Variants in LRRC39 observed in about 807,000 individuals in gnomAD.
The protein encoded by LRRC39 is leucine-rich repeat-containing protein 39.
A neutral mutation model predicts 39.7 loss-of-function variants in LRRC39; 35 were observed. That is an observed-to-expected ratio of 0.88 (90% CI 0.67 to 1.17). The LOEUF (loss-of-function observed/expected upper bound fraction) is 1.17. LRRC39 is among the 50% of genes most tolerant of loss of function. The pLI, the probability that LRRC39 is intolerant of heterozygous loss-of-function variation, is 0.00. For missense variants in LRRC39, 357 were observed against 385.8 expected (o/e 0.93, Z 0.62); for synonymous variants, 113 against 134.1 (o/e 0.84, Z 1.09).
chr1:100,158,260 T>C lies in LRRC39; in HGVS notation c.484A>G (p.Asn162Asp). ...ASLEKLELAVNRDICDLPQEL... is the reference protein window; with the variant it reads ...ASLEKLELAVDRDICDLPQEL... ...TGTGGAAGATCACATATATCTCTGT[T>C]AACAGCCAGTTCTAGTTTCTCCAAG... The change falls in exon 6 of 10, where the codon AAC becomes GAC. Residue 162 changes from asparagine (N) to aspartate (D), a missense_variant. Transcript: ENST00000370137. 6.2e-7 allele frequency: 1 copy of C among 1,614,062 alleles called. No homozygotes were observed. The highest frequency in any genetic ancestry group is 2.2e-5 in the East Asian group (1 of 44,842).
At chr1:100,168,745 AATACT>A in intron 2 of LRRC39, 151 bp from the exon 3 acceptor site, 1 of 399,142 alleles carries the variant, frequency 2.5e-6, no homozygotes, top group Non-Finnish European at 4.4e-6. Flanking sequence ...ACTCTCATAA[AATACT>A]ATAATATAGG....
intron 1 of LRRC39, among the ~76,000 whole-genome samples, chr1:100,175,855 T>C (rs11166409): frequency 0.77 from 116,996 of 152,208 alleles, 46,961 homozygotes; most frequent in East Asian, 0.95. Context: ...TCTGTCAGAA[T>C]GGCTAAAATT....
intron 3 of LRRC39, among the ~76,000 whole-genome samples, chr1:100,166,299 G>A (rs1444586055): frequency 6.6e-6 from 1 of 152,172 alleles, no homozygotes; most frequent in Non-Finnish European, 1.5e-5. Flanking sequence ...ATGTGGAAGT[G>A]ACTTTGGAAC....
At chr1:100,151,126 C>CA (rs772782982) in intron 9 of LRRC39, among the ~76,000 whole-genome samples, 8,222 of 41,974 alleles carry the variant, frequency 0.2, 587 homozygotes, top group African/African-American at 0.27. Flanking sequence ...AGAAACTCCT[C>CA]AAAAAAAAAA....
At chr1:100,173,830 G>A (rs991721176) in intron 1 of LRRC39, among the ~76,000 whole-genome samples, 6 of 151,868 alleles carry the variant, frequency 4.0e-5, no homozygotes, top group Non-Finnish European at 7.4e-5. Context: ...ATTAAGTTCT[G>A]AAAAATATAC....
Position 100,148,609 on chromosome 1 carries a change from T to C in LRRC39, c.*433A>G. Reference sequence around the variant, plus strand: ...CAAAATTTTAACAATGTTTTGTGTGTGTTTATTCAATTTAGGCTTCTTAGT... The same window carrying C: ...CAAAATTTTAACAATGTTTTGTGTGCGTTTATTCAATTTAGGCTTCTTAGT... On this transcript the variant is annotated 3_prime_UTR_variant, in exon 10 of 10. Coordinates refer to ENST00000370137, the MANE Select transcript of LRRC39 (RefSeq NM_144620.4). The C allele has an allele frequency of 6.3e-7, 1 of 1,589,322 alleles. No individual in the cohort carries two copies. The highest frequency in any genetic ancestry group is 2.2e-5 in the East Asian group (1 of 44,726).
At chr1:100,175,172 T>C (rs1271128541) in intron 1 of LRRC39, among the ~76,000 whole-genome samples, 1 of 152,130 alleles carries the variant, frequency 6.6e-6, no homozygotes, top group Admixed American at 6.6e-5. Context: ...GTTTCAGGTA[T>C]TTCTTTGTTT....
chr1:100,154,231 A>G (rs977553749), intron 8 of LRRC39, among the ~76,000 whole-genome samples: 3 of 152,210 alleles, frequency 2.0e-5, no homozygotes, highest in Admixed American at 1.3e-4. Flanking sequence ...AAAAGAGACA[A>G]GACACCCAAT....
At chr1:100,158,454 T>C (rs1224694390) in intron 5 of LRRC39, 87 bp from the exon 6 acceptor site, 2 of 1,264,860 alleles carry the variant, frequency 1.6e-6, no homozygotes, top group African/African-American at 3.1e-5. Context: ...CTTTTTTTTT[T>C]TGAGACGGAG....
intron 9 of LRRC39, among the ~76,000 whole-genome samples, chr1:100,151,882 G>C (rs1433626869): frequency 6.6e-6 from 1 of 152,120 alleles, no homozygotes; most frequent in Non-Finnish European, 1.5e-5. Flanking sequence ...CAAGGCTACA[G>C]TGAGCTATGA....
At chr1:100,172,595 G>C (rs1281328556) in intron 2 of LRRC39, among the ~76,000 whole-genome samples, 2 of 151,794 alleles carry the variant, frequency 1.3e-5, no homozygotes, top group African/African-American at 4.8e-5. Flanking sequence ...GGCCGAGGTG[G>C]GCAGATTGCA....
chr1:100,163,408 A>G (rs1219492251), intron 3 of LRRC39, among the ~76,000 whole-genome samples: 1 of 152,144 alleles, frequency 6.6e-6, no homozygotes, highest in African/African-American at 2.4e-5. Flanking sequence ...CTCTGTAAAG[A>G]TCGCTAAATT....
intron 3 of LRRC39, among the ~76,000 whole-genome samples, chr1:100,165,873 C>CTTTT (rs370682819): frequency 3.2e-5 from 4 of 126,710 alleles, no homozygotes; most frequent in African/African-American, 9.0e-5. Flanking sequence ...TTTCCCCTTT[C>CTTTT]TTTTTTTTTT....
In LRRC39 at chr1:100,148,734, T is replaced by C; in HGVS notation, c.*308A>G. The stretch of plus-strand genomic sequence containing the variant: ...GAAGGGATTCAGTCCTGCTTTGCAG[T>C]ACTATACAGACCCTCTGGTGTCTTT... On this transcript the variant is annotated 3_prime_UTR_variant, in exon 10 of 10. Coordinates refer to ENST00000370137, the MANE Select transcript of LRRC39 (RefSeq NM_144620.4). 6.2e-7 allele frequency: 1 copy of C among 1,610,358 alleles called. No homozygotes were observed. Among genetic ancestry groups the C allele is most frequent in the Non-Finnish European group, 8.5e-7 (1 of 1,178,022 alleles).
intron 1 of LRRC39, among the ~76,000 whole-genome samples, chr1:100,177,187 A>C (rs1283979007): frequency 2.0e-5 from 3 of 152,222 alleles, no homozygotes; most frequent in Non-Finnish European, 4.4e-5. Context: ...GAAAAAGAAA[A>C]AAAAGAGAGA....
intron 6 of LRRC39, among the ~76,000 whole-genome samples, chr1:100,157,381 T>G (rs889702515): frequency 1.3e-5 from 2 of 152,188 alleles, no homozygotes; most frequent in Non-Finnish European, 2.9e-5. Context: ...GCCTTTTGCC[T>G]TCTGCCATGA....
chr1:100,175,273 A>G (rs1659882626), intron 1 of LRRC39, among the ~76,000 whole-genome samples: 1 of 151,330 alleles, frequency 6.6e-6, no homozygotes. Flanking sequence ...CATGGCTTAT[A>G]GTAGCCTTGA....
chr1:100,166,091 A>T (rs1312790065), intron 3 of LRRC39, among the ~76,000 whole-genome samples: 1 of 152,004 alleles, frequency 6.6e-6, no homozygotes, highest in East Asian at 1.9e-4. Context: ...ACTGTCATGT[A>T]AGATGTCCCT....
chr1:100,149,146 TATTA>T (rs1183318444), intron 9 of LRRC39, 49 bp from the exon 10 acceptor site: 6 of 1,565,276 alleles, frequency 3.8e-6, no homozygotes, highest in Non-Finnish European at 5.2e-6. Flanking sequence ...TTTCTGTTTG[TATTA>T]ATTTTGGAAA....
Sources: allele counts gnomAD v4.1 joint callset (sites outside exome capture counted in the v4.1 genomes callset), GRCh38; gene constraint gnomAD v4.1.1; transcripts MANE v1.5; gene names NCBI Gene and HGNC (gene_info 2026-07-23, HGNC 2026-07-21).